Variants in NRG4 observed in about 807,000 individuals in gnomAD.
NRG4 encodes the protein neuregulin 4.
NRG4 carries 10 observed loss-of-function variants against 15.0 expected under a neutral mutation model. That is an observed-to-expected ratio of 0.67 (90% CI 0.41 to 1.13). The LOEUF (loss-of-function observed/expected upper bound fraction) is 1.13. NRG4 is among the 50% of genes most tolerant of loss of function. NRG4 has a pLI of 0.00. For synonymous variants in NRG4, 41 were observed against 50.1 expected, an observed-to-expected ratio of 0.82 and a Z score of 0.77; for missense variants, 139 against 140.2, an observed-to-expected ratio of 0.99 and a Z score of 0.04.
intron 3 of NRG4, among the ~76,000 whole-genome samples, chr15:75,982,087 T>C (rs2033629204): frequency 6.6e-6 from 1 of 152,150 alleles, no homozygotes; most frequent in Admixed American, 6.5e-5. Context: ...CTTTAAACAT[T>C]AGATAATTCT....
At chr15:75,981,410 A>C (rs1418049897) in intron 3 of NRG4, among the ~76,000 whole-genome samples, 3 of 152,168 alleles carry the variant, frequency 2.0e-5, no homozygotes, top group African/African-American at 7.2e-5. Flanking sequence ...AAGAATTCTG[A>C]GTAAATTATA....
chr15:75,980,858 G>A (rs2033579207), intron 3 of NRG4, among the ~76,000 whole-genome samples: 1 of 152,120 alleles, frequency 6.6e-6, no homozygotes, highest in Non-Finnish European at 1.5e-5. Flanking sequence ...AATGGTAAAG[G>A]TGGGGGAAAG....
At chr15:75,967,528 C>A (rs2032866471) in intron 3 of NRG4, among the ~76,000 whole-genome samples, 1 of 126,102 alleles carries the variant, frequency 7.9e-6, no homozygotes, top group Admixed American at 1.0e-4. Flanking sequence ...ATGGTGTGAT[C>A]TCAGCTCACT....
At chr15:75,976,902 C>T (rs1227977436) in intron 3 of NRG4, among the ~76,000 whole-genome samples, 3 of 152,282 alleles carry the variant, frequency 2.0e-5, no homozygotes, top group Non-Finnish European at 4.4e-5. Context: ...CAGGCAGGAA[C>T]GTTTAAGTCT....
At chr15:76,026,333 T>C (rs570859284) in intron 5 of NRG4, among the ~76,000 whole-genome samples, 1 of 152,130 alleles carries the variant, frequency 6.6e-6, no homozygotes, top group South Asian at 2.1e-4. Flanking sequence ...TCCCATTAGT[T>C]TGAGTGGATT....
rs71444951 is a variant in NRG4 at position 76,050,437 on chromosome 15, G to GTTTTTTTTTT, written c.-105+1620_-105+1629dup. Among the ~76,000 whole-genome samples the GTTTTTTTTTT allele has an allele frequency of 3.3e-5, 3 of 91,880 alleles. 1 individual carries two copies. Among genetic ancestry groups the GTTTTTTTTTT allele is most frequent in the African/African-American group, 8.4e-5 (2 of 23,848 alleles). 60.3% of individuals were successfully genotyped at this position (91,880 alleles called of 152,430 possible). A position where few individuals can be genotyped will look rare whatever the true frequency, so the allele number is the denominator to read the frequency against. On this transcript the variant is annotated intron_variant, in intron 4 of 8. Transcript: ENST00000563910. ...AGCATTATTGTCACCCCGAGCCTTCGTTTTTTTTTTTTTTTTTTTTTTGAA... is the reference window on the plus strand; with the variant it reads ...AGCATTATTGTCACCCCGAGCCTTCGTTTTTTTTTTTTTTTTTTTTTTTTTTTTTTTTGAA...
intron 3 of NRG4, among the ~76,000 whole-genome samples, chr15:75,996,140 T>G (rs1023885094): frequency 1.5e-4 from 23 of 152,290 alleles, no homozygotes; most frequent in African/African-American, 5.5e-4. Flanking sequence ...CATTAACAAA[T>G]TGAAGTATCC....
chr15:75,991,064 GT>G (rs962102237), intron 3 of NRG4, among the ~76,000 whole-genome samples: 1 of 152,092 alleles, frequency 6.6e-6, no homozygotes, highest in African/African-American at 2.4e-5. Flanking sequence ...AATATTAGGA[GT>G]TTTTCTAGAC....
chr15:76,012,660 T>A (rs1330806480), upstream of NRG4, among the ~76,000 whole-genome samples: 4 of 152,160 alleles, frequency 2.6e-5, no homozygotes, highest in Non-Finnish European at 5.9e-5. Context: ...TCTTTGCTTG[T>A]CTGAATAATT....
At chr15:75,969,181 C>T (rs1305637815) in intron 3 of NRG4, 2 of 455,954 alleles carry the variant, frequency 4.4e-6, no homozygotes, top group East Asian at 6.9e-5. Context: ...AATCTCATGC[C>T]CAACTTGGAA....
intron 3 of NRG4, among the ~76,000 whole-genome samples, chr15:75,993,592 A>G (rs2034106987): frequency 6.6e-6 from 1 of 151,720 alleles, no homozygotes; most frequent in African/African-American, 2.4e-5. Flanking sequence ...ACAGCTACTC[A>G]GGAAGCTGAG....
At chr15:75,999,071 T>A (rs541655108) in intron 3 of NRG4, among the ~76,000 whole-genome samples, 9 of 151,942 alleles carry the variant, frequency 5.9e-5, no homozygotes, top group Non-Finnish European at 7.4e-5. Flanking sequence ...GAAAACGGAG[T>A]CCAGTAAGAA....
chr15:76,056,414 C>T (rs550879675), intron 2 of NRG4, among the ~76,000 whole-genome samples: 4 of 152,068 alleles, frequency 2.6e-5, no homozygotes, highest in Admixed American at 1.3e-4. Flanking sequence ...GCCGAGATTG[C>T]GCCATTGCAC....
In NRG4 at chr15:76,009,110, C is replaced by T. The variant is rs1040929492; in HGVS notation, c.104+90G>A. ...ATATGCCTCACATCTTTTCATCTTA[C>T]ACTTTTTGTTTACTTTTTATCACTT... On this transcript the variant is annotated intron_variant, in intron 3 of 5. Coordinates refer to ENST00000394907, the MANE Select transcript of NRG4 (RefSeq NM_138573.4). 4 of 760,156 alleles carry T rather than the reference C, an allele frequency of 5.3e-6. No individual in the cohort carries two copies. In the African/African-American group the frequency reaches 7.0e-5, roughly 13 times the overall value. 47.1% of individuals were successfully genotyped at this position (760,156 alleles called of 1,614,324 possible). A position where few individuals can be genotyped will look rare whatever the true frequency, so the allele number is the denominator to read the frequency against.
intron 4 of NRG4, among the ~76,000 whole-genome samples, chr15:75,956,959 A>AT (rs2032272444): frequency 6.6e-6 from 1 of 151,718 alleles, no homozygotes; most frequent in Admixed American, 6.6e-5. Flanking sequence ...TTTTAATTCC[A>AT]TTTTTGTCCT....
intron 1 of NRG4, 94 bp from the exon 2 acceptor site, chr15:76,011,380 T>C (rs2034805265): frequency 1.5e-6 from 1 of 647,612 alleles, no homozygotes; most frequent in Non-Finnish European, 2.3e-6. Context: ...TATTCTTAAA[T>C]GTTGAAAATA....
At chr15:76,002,631 A>T (rs760691585) in intron 3 of NRG4, among the ~76,000 whole-genome samples, 1 of 152,196 alleles carries the variant, frequency 6.6e-6, no homozygotes, top group Non-Finnish European at 1.5e-5. Flanking sequence ...ATAGGTTAAA[A>T]GAGGATAGAA....
intron 4 of NRG4, among the ~76,000 whole-genome samples, chr15:76,037,347 C>G (rs141555123): frequency 2.3e-3 from 349 of 152,308 alleles, no homozygotes; most frequent in Non-Finnish European, 3.6e-3. Flanking sequence ...CCTCCCCTAT[C>G]CCATCACAGT....
intron 3 of NRG4, among the ~76,000 whole-genome samples, chr15:75,999,385 T>C (rs1186171963): frequency 6.6e-6 from 1 of 152,222 alleles, no homozygotes; most frequent in Admixed American, 6.5e-5. Context: ...CCCTCATGAA[T>C]GGACTAGTTC....
Sources: allele counts gnomAD v4.1 joint callset (sites outside exome capture counted in the v4.1 genomes callset), GRCh38; gene constraint gnomAD v4.1.1; transcripts MANE v1.5; gene names NCBI Gene and HGNC (gene_info 2026-07-23, HGNC 2026-07-21).